Variants in GPC6 observed in about 807,000 individuals in gnomAD.
GPC6 encodes glypican-6.
GPC6 carries 14 observed loss-of-function variants against 55.2 expected under a neutral mutation model. That is an observed-to-expected ratio of 0.25 (90% CI 0.17 to 0.40). The LOEUF is 0.40. Ranked by LOEUF, GPC6 falls within the 10% of genes least tolerant of loss-of-function variation. The probability of loss-of-function intolerance (pLI) is 1.00; values close to 1 mark genes in which losing one functional copy is unlikely to be tolerated. For synonymous variants in GPC6, 278 were observed against 259.6 expected, an observed-to-expected ratio of 1.07 and a Z score of -0.68; for missense variants, 641 against 708.5, an observed-to-expected ratio of 0.90 and a Z score of 1.08.
At chr13:93,389,036 T>G (rs1485760092) in intron 1 of GPC6, among the ~76,000 whole-genome samples, 1 of 152,148 alleles carries the variant, frequency 6.6e-6, no homozygotes, top group African/African-American at 2.4e-5. Context: ...TATTAAGATA[T>G]CTATTGAGCT....
At chr13:93,328,319 A>C (rs939866783) in intron 1 of GPC6, among the ~76,000 whole-genome samples, 2 of 152,144 alleles carry the variant, frequency 1.3e-5, no homozygotes, top group African/African-American at 4.8e-5. Context: ...AACAAACAAA[A>C]TAATTAGCTA....
chr13:93,432,053 C>T (rs1367265232), intron 1 of GPC6, among the ~76,000 whole-genome samples: 2 of 152,260 alleles, frequency 1.3e-5, no homozygotes, highest in African/African-American at 4.8e-5. Flanking sequence ...CACCAGATGT[C>T]ACTATCAATT....
intron 1 of GPC6, among the ~76,000 whole-genome samples, chr13:93,452,562 TAGTA>T (rs888637127): frequency 8.5e-5 from 13 of 152,242 alleles, no homozygotes; most frequent in African/African-American, 3.1e-4. Flanking sequence ...TACCATGAAA[TAGTA>T]AGCCTCAAGT....
chr13:93,346,019 T>C (rs116426548), intron 1 of GPC6, among the ~76,000 whole-genome samples: 1 of 152,312 alleles, frequency 6.6e-6, no homozygotes, highest in African/African-American at 2.4e-5. Context: ...AATCTCTTTA[T>C]TGAAAGCTGC....
At chr13:93,649,893 A>C (rs1880334102) in intron 2 of GPC6, among the ~76,000 whole-genome samples, 1 of 152,168 alleles carries the variant, frequency 6.6e-6, no homozygotes, top group Admixed American at 6.6e-5. Flanking sequence ...TTCACAGTAC[A>C]TTCTGTGGTT....
intron 6 of GPC6, among the ~76,000 whole-genome samples, chr13:94,361,537 T>A (rs1879059552): frequency 6.6e-6 from 1 of 152,258 alleles, no homozygotes; most frequent in Admixed American, 6.5e-5. Context: ...GAATGGGCAT[T>A]GCCACTAATT....
intron 1 of GPC6, among the ~76,000 whole-genome samples, chr13:93,420,887 A>T (rs993300265): frequency 6.6e-6 from 1 of 152,036 alleles, no homozygotes; most frequent in Non-Finnish European, 1.5e-5. Context: ...CATGAAGACA[A>T]TACAGGTAAT....
chr13:93,429,847 A>G (rs954081024), intron 1 of GPC6, among the ~76,000 whole-genome samples: 4 of 152,104 alleles, frequency 2.6e-5, no homozygotes, highest in Admixed American at 2.6e-4. Context: ...ACAAATAAGA[A>G]CATCTGTGAG....
intron 2 of GPC6, among the ~76,000 whole-genome samples, chr13:93,660,268 G>T (rs1880866997): frequency 1.3e-5 from 2 of 151,906 alleles, no homozygotes; most frequent in Non-Finnish European, 2.9e-5. Flanking sequence ...CAATTTTCCT[G>T]GCTATCAATG....
chr13:94,059,805 A>G (rs141030659), intron 4 of GPC6, among the ~76,000 whole-genome samples: 3 of 151,880 alleles, frequency 2.0e-5, no homozygotes, highest in East Asian at 3.9e-4. Flanking sequence ...AATCCCATTC[A>G]TGAGGGCTCC....
intron 1 of GPC6, among the ~76,000 whole-genome samples, chr13:93,407,008 G>T (rs1185309168): frequency 6.6e-6 from 1 of 152,054 alleles, no homozygotes; most frequent in Non-Finnish European, 1.5e-5. Context: ...GGATAATTGG[G>T]CACTCTACGT....
chr13:93,747,569 G>A (rs907638063), intron 2 of GPC6, among the ~76,000 whole-genome samples: 2 of 152,146 alleles, frequency 1.3e-5, no homozygotes, highest in South Asian at 4.1e-4. Flanking sequence ...CCCAATCAAT[G>A]TGCTTTTGGC....
intron 6 of GPC6, among the ~76,000 whole-genome samples, chr13:94,325,418 A>AT (rs1877065768): frequency 6.6e-6 from 1 of 152,194 alleles, no homozygotes; most frequent in Non-Finnish European, 1.5e-5. Context: ...TATGCATCTG[A>AT]GTTTGCTTTT....
chr13:93,626,571 G>A (rs1205593009), intron 2 of GPC6, among the ~76,000 whole-genome samples: 2 of 152,154 alleles, frequency 1.3e-5, no homozygotes, highest in Admixed American at 6.5e-5. Flanking sequence ...GGAGGTGGAG[G>A]TGGGTGGATC....
chr13:94,334,612 A>C (rs540124699), intron 6 of GPC6, among the ~76,000 whole-genome samples: 1 of 152,274 alleles, frequency 6.6e-6, no homozygotes, highest in Non-Finnish European at 1.5e-5. Flanking sequence ...TTCCAGACCT[A>C]CGGAAACTGA....
In GPC6 at chr13:93,898,966, T is replaced by TATATATATATAC. The variant is rs1251225383; in HGVS notation, c.711+68422_711+68423insTATATATATACA. On this transcript the variant is annotated intron_variant, in intron 3 of 8. Coordinates refer to ENST00000377047, the MANE Select transcript of GPC6 (RefSeq NM_005708.5). ...ATATATATATATATATATATATATA[T>TATATATATATAC]ACACACACATATATATACATACATC... 1.0e-4 allele frequency among the ~76,000 whole-genome samples: 14 copies of TATATATATATAC among 137,086 alleles called. No homozygotes were observed. In the East Asian group the frequency reaches 1.6e-3, roughly 16 times the overall value. The allele number at this position is 137,086 out of a possible 152,430, so 89.9% of individuals were successfully genotyped here. A position where few individuals can be genotyped will look rare whatever the true frequency, so the allele number is the denominator to read the frequency against.
At chr13:93,946,540 A>G (rs1254505380) in intron 3 of GPC6, among the ~76,000 whole-genome samples, 1 of 152,254 alleles carries the variant, frequency 6.6e-6, no homozygotes, top group Non-Finnish European at 1.5e-5. Flanking sequence ...AACAATTGGT[A>G]TAAACAAGTG....
intron 3 of GPC6, among the ~76,000 whole-genome samples, chr13:93,857,030 A>T (rs1377553056): frequency 6.6e-6 from 1 of 151,652 alleles, no homozygotes; most frequent in African/African-American, 2.4e-5. Flanking sequence ...TGGCAATACA[A>T]TACAATATTT....
At chr13:94,104,889 G>A (rs919196252) in intron 4 of GPC6, among the ~76,000 whole-genome samples, 3 of 152,132 alleles carry the variant, frequency 2.0e-5, no homozygotes, top group South Asian at 4.2e-4. Context: ...TGGCCATACT[G>A]CCCAAGGTAA....
Sources: gnomAD v4.1 joint callset for allele counts (sites outside exome capture counted in the v4.1 genomes callset) on GRCh38, gnomAD v4.1.1 for gene constraint, MANE v1.5 for transcripts, NCBI Gene and HGNC (gene_info 2026-07-23, HGNC 2026-07-21) for gene names.